The following PRKCH variants were observed in gnomAD, a reference collection of about 807,000 sequenced individuals.
The protein encoded by PRKCH is protein kinase C eta, also known as protein kinase C eta type.
A neutral mutation model predicts 82.5 loss-of-function variants in PRKCH; 28 were observed. The ratio of observed to expected loss-of-function variants is 0.34; its 90% CI spans 0.25 to 0.47. The LOEUF is 0.47. Ranked by LOEUF, PRKCH falls within the 20% of genes least tolerant of loss-of-function variation. PRKCH has a pLI of 1.00. For synonymous variants in PRKCH, 322 were observed against 327.4 expected (o/e 0.98, Z 0.18); for missense variants, 705 against 881.8 (o/e 0.80, Z 2.54).
At chr14:61,227,783 T>C (rs1384845718) in intron 1 of PRKCH, among the ~76,000 whole-genome samples, 1 of 152,100 alleles carries the variant, frequency 6.6e-6, no homozygotes, top group Non-Finnish European at 1.5e-5. Flanking sequence ...AAGTGCTTGA[T>C]AAATATGCCG....
At chr14:61,395,615 A>C (rs1053662075) in intron 2 of PRKCH, among the ~76,000 whole-genome samples, 1 of 152,152 alleles carries the variant, frequency 6.6e-6, no homozygotes, top group Non-Finnish European at 1.5e-5. Context: ...TGAAGGTCAG[A>C]TGATATAATA....
intron 2 of PRKCH, among the ~76,000 whole-genome samples, chr14:61,396,683 G>T (rs2046788328): frequency 6.6e-6 from 1 of 152,230 alleles, no homozygotes; most frequent in Admixed American, 6.5e-5. Flanking sequence ...AAATAGGACT[G>T]TGCCTAGAAG....
chr14:61,225,420 A>G (rs1453043414), intron 1 of PRKCH, among the ~76,000 whole-genome samples: 1 of 152,122 alleles, frequency 6.6e-6, no homozygotes, highest in Non-Finnish European at 1.5e-5. Flanking sequence ...ATATCCTCCT[A>G]AGCACTCTGT....
chr14:61,395,637 G>A (rs1020903218), intron 2 of PRKCH, among the ~76,000 whole-genome samples: 4 of 152,114 alleles, frequency 2.6e-5, no homozygotes, highest in Admixed American at 2.6e-4. Flanking sequence ...ATGGGGAAGT[G>A]CTTTGCAAAC....
rs901566306 is a variant in PRKCH at position 61,490,175 on chromosome 14, C to T, written c.1433+4519C>T. Reference sequence around the variant, plus strand: ...GCTCCAAATGCTTCCCGTGGTATTTCGCCATCCCATTTTGCAGATGTGGCC... The same window carrying T: ...GCTCCAAATGCTTCCCGTGGTATTTTGCCATCCCATTTTGCAGATGTGGCC... On this transcript the variant is annotated intron_variant, in intron 10 of 13. Coordinates refer to ENST00000332981, the MANE Select transcript of PRKCH (RefSeq NM_006255.5). Among the ~76,000 whole-genome samples, 14 of 152,232 alleles carry T rather than the reference C, an allele frequency of 9.2e-5. No individual in the cohort carries two copies. The South Asian group carries it at 2.1e-3, about 23-fold the overall frequency.
rs1325864515 is a variant in PRKCH at position 61,280,366 on chromosome 14, G to A, written c.-19+92698G>A. 1.9e-6 allele frequency: 3 copies of A among 1,613,992 alleles called. No homozygotes were observed. The highest frequency in any genetic ancestry group is 2.5e-6 in the Non-Finnish European group (3 of 1,179,924). On this transcript the variant is annotated intron_variant, in intron 1 of 3. Coordinates refer to the PRKCH transcript ENST00000555185. The surrounding 1 kb of genome is among the most constrained non-coding windows in gnomAD (Gnocchi z 5.0). The stretch of plus-strand genomic sequence containing the variant: ...GATGCGCGCGTACAGTTTGCGGAAC[G>A]TGGGCAGCGCCGCCGTGCGCATCCA...
chr14:61,272,771 G>C (rs1418306124), intron 1 of PRKCH, among the ~76,000 whole-genome samples: 2 of 152,206 alleles, frequency 1.3e-5, no homozygotes, highest in East Asian at 3.9e-4. Flanking sequence ...AATGCTGGCA[G>C]TAACAAAAAG....
Position 61,437,724 on chromosome 14 carries a change from C to T in PRKCH, c.428-5387C>T, listed in dbSNP as rs559937210. 2.0e-5 allele frequency among the ~76,000 whole-genome samples: 3 copies of T among 152,208 alleles called. No individual in the cohort carries two copies. The East Asian group carries it at 5.8e-4, about 29-fold the overall frequency. ...TAGCACAAGCTAGCTAAATGTGTCTCGGGGTACATTAACTTCTCTAGGCCC... is the reference window on the plus strand; with the variant it reads ...TAGCACAAGCTAGCTAAATGTGTCTTGGGGTACATTAACTTCTCTAGGCCC... On this transcript the variant is annotated intron_variant, in intron 2 of 13. Coordinates refer to ENST00000332981, the MANE Select transcript of PRKCH (RefSeq NM_006255.5).
chr14:61,327,977 G>A (rs563314626), intron 1 of PRKCH, among the ~76,000 whole-genome samples: 3 of 151,398 alleles, frequency 2.0e-5, no homozygotes, highest in African/African-American at 4.9e-5. Flanking sequence ...TGGGCCGGGC[G>A]CGGTGGCTCA....
At chr14:61,283,283 CTAAAGGTACTAGTT>C (rs2045287622) in intron 1 of PRKCH, among the ~76,000 whole-genome samples, 1 of 152,112 alleles carries the variant, frequency 6.6e-6, no homozygotes, top group Non-Finnish European at 1.5e-5. Flanking sequence ...CCTGGATGGC[CTAAAGGTACTAGTT>C]TATTCATTCC....
chr14:61,243,352 C>T (rs7143474), intron 1 of PRKCH, among the ~76,000 whole-genome samples: 27,021 of 136,504 alleles, frequency 0.2, 2,794 homozygotes, highest in African/African-American at 0.28. Context: ...GAATGGAGAT[C>T]GAGCCTGGGC....
chr14:61,426,950 T>C (rs1293740742), intron 2 of PRKCH, among the ~76,000 whole-genome samples: 1 of 152,204 alleles, frequency 6.6e-6, no homozygotes, highest in East Asian at 1.9e-4. Context: ...AGAGTCAAAC[T>C]CTAAAATATT....
rs192399210 is a variant in PRKCH, at chr14:61,386,401, G to A, written c.364-4824G>A. Among the ~76,000 whole-genome samples the A allele has an allele frequency of 2.1e-3, 322 of 152,316 alleles. 1 individual carries two copies. Among genetic ancestry groups the A allele is most frequent in the African/African-American group, 7.0e-3 (293 of 41,568 alleles). ...GAGGACAGTAGTCTGGAAATAGAAG[G>A]CAGCTAGAAGCCCGTTCAGGGAGGC... On this transcript the variant is annotated intron_variant, in intron 1 of 13. Coordinates refer to ENST00000332981, the MANE Select transcript of PRKCH (RefSeq NM_006255.5).
intron 1 of PRKCH, among the ~76,000 whole-genome samples, chr14:61,360,367 T>C (rs2046208112): frequency 6.6e-6 from 1 of 152,000 alleles, no homozygotes; most frequent in Non-Finnish European, 1.5e-5. Context: ...TAGACGGGCA[T>C]GGTGGTGGGC....
At chr14:61,382,886 A>G (rs1399696501) in intron 1 of PRKCH, among the ~76,000 whole-genome samples, 2 of 152,232 alleles carry the variant, frequency 1.3e-5, no homozygotes, top group Non-Finnish European at 2.9e-5. Context: ...AATTATTACC[A>G]GTTAATTAAA....
chr14:61,224,538 G>T (rs1223954515), intron 1 of PRKCH, among the ~76,000 whole-genome samples: 3 of 152,180 alleles, frequency 2.0e-5, no homozygotes, highest in Admixed American at 2.0e-4. Flanking sequence ...TGACAGTCCT[G>T]AGGAGTGCTG....
chr14:61,505,982 A>G (rs1445314992), intron 10 of PRKCH, among the ~76,000 whole-genome samples: 1 of 152,108 alleles, frequency 6.6e-6, no homozygotes, highest in Non-Finnish European at 1.5e-5. Flanking sequence ...ACCCACAGGA[A>G]GTGTCCCCAG....
At chr14:61,473,501 A>G (rs1480685503) in intron 9 of PRKCH, among the ~76,000 whole-genome samples, 2 of 152,208 alleles carry the variant, frequency 1.3e-5, no homozygotes, top group Non-Finnish European at 2.9e-5. Flanking sequence ...AGGAAACACT[A>G]AAGAAGTAGA....
At chr14:61,463,237 A>C (rs903370006) in intron 9 of PRKCH, 1 of 152,212 alleles carries the variant, frequency 6.6e-6, no homozygotes, top group African/African-American at 2.4e-5. Context: ...AGTGCTGTTC[A>C]AAAGTGAGTC....
Sources: gnomAD v4.1 joint callset for allele counts (sites outside exome capture counted in the v4.1 genomes callset) on GRCh38, gnomAD v4.1.1 for gene constraint, Gnocchi (gnomAD v3.1) non-coding constraint, MANE v1.5 for transcripts, NCBI Gene and HGNC (gene_info 2026-07-23, HGNC 2026-07-21) for gene names.